ATP2B2: variants seen among roughly 807,000 people sequenced by gnomAD.
ATP2B2 encodes ATPase plasma membrane Ca2+ transporting 2.
In ATP2B2, 15 loss-of-function variants were observed where a neutral mutation model predicts 120.0. That is an observed-to-expected ratio of 0.12 (90% confidence interval 0.08 to 0.19). The LOEUF is 0.19. Ranked by LOEUF, ATP2B2 falls within the 10% of genes least tolerant of loss-of-function variation. The pLI, the probability that ATP2B2 is intolerant of heterozygous loss-of-function variation, is 1.00. For missense variants in ATP2B2, 1,045 were observed against 1,719.8 expected, an observed-to-expected ratio of 0.61 and a Z score of 6.94; for synonymous variants, 694 against 700.3, an observed-to-expected ratio of 0.99 and a Z score of 0.14.
rs184893375 is a variant in ATP2B2 at position 10,600,199 on chromosome 3, T to A, written c.-415+19718A>T. ...TGGGCCTGTGTAAAATCAGAAAATA[T>A]CTTTCTCTTGGCCTAGGGGTTTCAT... is the stretch of plus-strand genomic sequence containing the variant. On this transcript the variant is annotated intron_variant, in intron 2 of 21. Coordinates refer to the ATP2B2 transcript ENST00000646379. Among the ~76,000 whole-genome samples, 11 of 152,326 alleles carry A rather than the reference T, an allele frequency of 7.2e-5. No homozygotes were observed. In the East Asian group the frequency reaches 1.4e-3, roughly 19 times the overall value.
chr3:10,666,423 C>G (rs1575605458), intron 1 of ATP2B2, among the ~76,000 whole-genome samples: 2 of 152,186 alleles, frequency 1.3e-5, no homozygotes, highest in African/African-American at 4.8e-5. Context: ...TTCCTTCTCC[C>G]TGATACCCCA....
chr3:10,355,747 T>C (rs914431437), intron 14 of ATP2B2, among the ~76,000 whole-genome samples: 4 of 152,180 alleles, frequency 2.6e-5, no homozygotes, highest in African/African-American at 7.2e-5. Flanking sequence ...CTCATCCTTG[T>C]CCTCGTCTGC....
intron 1 of ATP2B2, among the ~76,000 whole-genome samples, chr3:10,631,398 A>G (rs901430666): frequency 6.6e-6 from 1 of 152,202 alleles, no homozygotes; most frequent in African/African-American, 2.4e-5. Context: ...TTATTAGCCC[A>G]TTTTACAGAT....
chr3:10,376,181 C>A (rs1465353167), intron 10 of ATP2B2, among the ~76,000 whole-genome samples: 1 of 152,040 alleles, frequency 6.6e-6, no homozygotes, highest in African/African-American at 2.4e-5. Context: ...AGCAGACATT[C>A]TAGAGGAGGA....
chr3:10,394,560 C>T (rs897551430), intron 5 of ATP2B2: 16 of 462,000 alleles, frequency 3.5e-5, no homozygotes, highest in East Asian at 1.4e-4. Context: ...GGAGAGAGTG[C>T]GGGCCGAGTA....
At chr3:10,641,038 T>C (rs2070156627) in intron 1 of ATP2B2, among the ~76,000 whole-genome samples, 3 of 152,164 alleles carry the variant, frequency 2.0e-5, no homozygotes, top group South Asian at 2.1e-4. Flanking sequence ...GCAGGAGGGA[T>C]TGGGGTACAC....
rs148018997 is a variant in ATP2B2, at chr3:10,678,161, T to C, written c.-460+29754A>G. Among the ~76,000 whole-genome samples, 87 of 152,332 alleles carry C rather than the reference T, an allele frequency of 5.7e-4. 1 individual carries two copies. Among genetic ancestry groups the C allele is most frequent in the African/African-American group, 1.8e-3 (73 of 41,578 alleles). On this transcript the variant is annotated intron_variant, in intron 1 of 21. Coordinates refer to the ATP2B2 transcript ENST00000646379. ...TCACATACTGGGATCGTAAAAAATG[T>C]TTTAAATTTATTTTGCTCACTGGTA...
chr3:10,699,840 C>T (rs2071790790), intron 1 of ATP2B2, among the ~76,000 whole-genome samples: 1 of 152,236 alleles, frequency 6.6e-6, no homozygotes, highest in South Asian at 2.1e-4. Context: ...TTCACGCTTG[C>T]CTTTCCACCT....
chr3:10,563,557 A>C (rs750326985), intron 2 of ATP2B2, among the ~76,000 whole-genome samples: 10 of 152,224 alleles, frequency 6.6e-5, no homozygotes, highest in Admixed American at 1.3e-4. Context: ...GAGGGTGGGG[A>C]AGCCCAGAGG....
At chr3:10,669,822 C>G (rs979953799) in intron 1 of ATP2B2, among the ~76,000 whole-genome samples, 2 of 152,168 alleles carry the variant, frequency 1.3e-5, no homozygotes, top group African/African-American at 4.8e-5. Context: ...ACCCTGAACA[C>G]CTGCATAGCT....
chr3:10,338,259 C>T lies in ATP2B2; in HGVS notation c.3337G>A (p.Val1113Met), dbSNP rs765812045. Residue 1113 changes from valine to methionine, a missense_variant, in exon 22 of 23, where the codon GTG becomes ATG. Coordinates refer to ENST00000360273, the MANE Select transcript of ATP2B2 (RefSeq NM_001001331.4). ...CGCTCCGCGTGGTCGATCTCCTCCA[C>T]GTCCTCGTTGAGCTCCTCCTCCGGG... ...EIPEEELNED[V>M]EEIDHAEREL... The T allele has an allele frequency of 1.5e-5, 25 of 1,614,162 alleles. No individual in the cohort carries two copies. Among genetic ancestry groups the T allele is most frequent in the Middle Eastern group, 1.6e-4 (1 of 6,062 alleles).
At chr3:10,649,630 G>T (rs1296150014) in intron 1 of ATP2B2, among the ~76,000 whole-genome samples, 3 of 152,176 alleles carry the variant, frequency 2.0e-5, no homozygotes, top group African/African-American at 7.2e-5. Flanking sequence ...TGGACAGATG[G>T]GTGGATGGAT....
intron 3 of ATP2B2, among the ~76,000 whole-genome samples, chr3:10,518,238 G>T (rs2066913897): frequency 6.6e-6 from 1 of 152,162 alleles, no homozygotes; most frequent in Non-Finnish European, 1.5e-5. Context: ...AGCATTCATA[G>T]TCACAATATC....
chr3:10,395,983 G>T (rs137891890), intron 5 of ATP2B2, among the ~76,000 whole-genome samples: 1 of 152,234 alleles, frequency 6.6e-6, no homozygotes, highest in East Asian at 1.9e-4. Flanking sequence ...CTGCCTGTCC[G>T]TCCCTGGAGG....
At chr3:10,585,493 G>GA (rs60670471) in intron 2 of ATP2B2, among the ~76,000 whole-genome samples, 1,308 of 28,346 alleles carry the variant, frequency 0.046, 135 homozygotes, top group African/African-American at 0.1. Context: ...GACTCCGTCT[G>GA]AAAAAAAAAA....
intron 22 of ATP2B2, among the ~76,000 whole-genome samples, chr3:10,334,911 T>TGGAG (rs1166865922): frequency 1.3e-5 from 2 of 152,174 alleles, no homozygotes; most frequent in Non-Finnish European, 2.9e-5. Flanking sequence ...TCAAAGAAGC[T>TGGAG]GGAGGCTAAG....
chr3:10,484,099 G>A (rs1304989791), intron 1 of ATP2B2, among the ~76,000 whole-genome samples: 2 of 152,320 alleles, frequency 1.3e-5, no homozygotes, highest in Non-Finnish European at 2.9e-5. Context: ...CAGCATTGGC[G>A]GGGTGCTGTC....
chr3:10,454,937 T>C (rs1039478015), intron 1 of ATP2B2, among the ~76,000 whole-genome samples: 1 of 152,110 alleles, frequency 6.6e-6, no homozygotes, highest in Non-Finnish European at 1.5e-5. Flanking sequence ...GCCTCCCAGA[T>C]TGTAGTACAC....
intron 1 of ATP2B2, among the ~76,000 whole-genome samples, chr3:10,667,388 C>A (rs2009525): frequency 2.6e-5 from 4 of 151,998 alleles, no homozygotes; most frequent in Admixed American, 2.6e-4. Context: ...GCTGAGGGGG[C>A]TGGGTGCGTC....
Sources: allele counts gnomAD v4.1 joint callset (sites outside exome capture counted in the v4.1 genomes callset), GRCh38; gene constraint gnomAD v4.1.1; transcripts MANE v1.5; gene names NCBI Gene and HGNC (gene_info 2026-07-23, HGNC 2026-07-21).